Variants in WIPI1 observed in about 807,000 individuals in gnomAD.
The protein encoded by WIPI1 is WD repeat domain phosphoinositide-interacting protein 1.
In WIPI1, 45 loss-of-function variants were observed where a neutral mutation model predicts 55.3. That is an observed-to-expected ratio of 0.81 (90% CI 0.64 to 1.04). WIPI1 has a LOEUF of 1.04. Among genes scored for constraint, WIPI1 ranks in the 50% least tolerant of loss-of-function variants. WIPI1 has a pLI of 0.00. For missense variants in WIPI1, 445 were observed against 559.0 expected (o/e 0.80, Z 2.06); for synonymous variants, 195 against 217.6 (o/e 0.90, Z 0.92).
chr17:68,426,283 G>A (rs918662949), intron 11 of WIPI1, 108 bp from the exon 12 acceptor site: 1 of 862,084 alleles, frequency 1.2e-6, no homozygotes, highest in African/African-American at 1.7e-5. Flanking sequence ...GAAGCAAAGG[G>A]GCTGTCTGTC....
intron 1 of WIPI1, among the ~76,000 whole-genome samples, chr17:68,453,363 C>T (rs1165750798): frequency 6.6e-6 from 1 of 152,112 alleles, no homozygotes; most frequent in Non-Finnish European, 1.5e-5. Context: ...TCCAACACAA[C>T]GAGGGGGCCT....
At chr17:68,457,282 AC>A in intron 1 of WIPI1, 59 bp downstream of exon 1, 1 of 1,521,180 alleles carries the variant, frequency 6.6e-7, no homozygotes, top group Non-Finnish European at 8.8e-7. Flanking sequence ...TCAGGACGAC[AC>A]CCCTGGGTCC....
intron 4 of WIPI1, among the ~76,000 whole-genome samples, chr17:68,437,234 G>A (rs1341229216): frequency 6.6e-6 from 1 of 152,046 alleles, no homozygotes; most frequent in African/African-American, 2.4e-5. Context: ...TTGGAGAAGA[G>A]GAGCTGCCAA....
chr17:68,442,288 A>C lies in WIPI1; in HGVS notation c.430+2205T>G, dbSNP rs2084111055. Among the ~76,000 whole-genome samples, 3 of 152,086 alleles carry C rather than the reference A, an allele frequency of 2.0e-5. 1 individual carries two copies. The highest frequency in any genetic ancestry group is 2.1e-4 in the South Asian group (1 of 4,826). On this transcript the variant is annotated intron_variant, in intron 4 of 12. Transcript: ENST00000262139. ...AGACCAGCCTGGCCAACATGGTGAA[A>C]TCCTATCTCTACTAAAAATACAAAA...
intron 2 of WIPI1, among the ~76,000 whole-genome samples, chr17:68,451,605 G>A (rs530916527): frequency 4.5e-4 from 68 of 152,290 alleles, no homozygotes; most frequent in Non-Finnish European, 8.1e-4. Context: ...CCCTTTCCCT[G>A]AGAGATTTCA....
chr17:68,425,827 CA>C (rs1241679599), intron 12 of WIPI1: 6 of 415,930 alleles, frequency 1.4e-5, no homozygotes, highest in Non-Finnish European at 2.6e-5. Flanking sequence ...GGGAGGCCAC[CA>C]AGACTCCCTG....
At position 68,444,533 on chromosome 17, in the gene WIPI1, C is replaced by T. The variant is rs899178965; in HGVS notation, c.390G>A (p.Lys130=). The change falls in exon 4 of 13, where the codon AAG becomes AAA. Residue 130 remains lysine (K), a synonymous_variant. Coordinates refer to ENST00000262139, the MANE Select transcript of WIPI1 (RefSeq NM_017983.7). The part of the protein sequence containing the change: ...SIYIHNIKDM[K]LLKTLLDIPA... ...GAATATCCAGGAGGGTCTTCAACAG[C>T]TTCATGTCTTTAATGTTGTGAATAT... The T allele has an allele frequency of 1.9e-6, 3 of 1,613,992 alleles. No individual in the cohort carries two copies. The African/African-American group carries it at 4.0e-5, about 22-fold the overall frequency.
chr17:68,437,948 T>TAAAAAAAAAAAAAAAA (rs199649033), intron 4 of WIPI1, among the ~76,000 whole-genome samples: 12 of 78,798 alleles, frequency 1.5e-4, no homozygotes, highest in African/African-American at 5.7e-4. Flanking sequence ...ACATCTCTCT[T>TAAAAAAAAAAAAAAAA]AAAAAAAAAA....
intron 8 of WIPI1, among the ~76,000 whole-genome samples, chr17:68,430,435 G>A (rs1488491922): frequency 6.6e-6 from 1 of 152,222 alleles, no homozygotes; most frequent in Admixed American, 6.5e-5. Flanking sequence ...AGGCTTATCT[G>A]ATGACTAGTC....
At chr17:68,440,416 G>A (rs1568641074) in intron 4 of WIPI1, among the ~76,000 whole-genome samples, 1 of 152,186 alleles carries the variant, frequency 6.6e-6, no homozygotes. Flanking sequence ...GCCTTTTTAA[G>A]GAAGGATATG....
intron 7 of WIPI1, 123 bp from the exon 8 acceptor site, chr17:68,433,698 C>T (rs2083626046): frequency 3.5e-6 from 2 of 576,820 alleles, no homozygotes; most frequent in South Asian, 2.1e-5. Context: ...GACCCAGATC[C>T]CTTAAACACT....
At chr17:68,448,983 T>C (rs1253286546) in intron 3 of WIPI1, among the ~76,000 whole-genome samples, 1 of 152,230 alleles carries the variant, frequency 6.6e-6, no homozygotes, top group Non-Finnish European at 1.5e-5. Flanking sequence ...CGCACTGCTT[T>C]AGGTGGACTT....
chr17:68,450,957 C>G (rs1168183226), intron 2 of WIPI1, 60 bp from the exon 3 acceptor site: 18 of 1,557,094 alleles, frequency 1.2e-5, no homozygotes, highest in Non-Finnish European at 1.4e-5. Flanking sequence ...AGGATTCCAG[C>G]CTCCATGACA....
chr17:68,449,454 G>A (rs2084412023), intron 3 of WIPI1, among the ~76,000 whole-genome samples: 1 of 152,186 alleles, frequency 6.6e-6, no homozygotes, highest in African/African-American at 2.4e-5. Flanking sequence ...GGGAAACACT[G>A]TAATATGATT....
chr17:68,438,339 A>G (rs1242966081), intron 4 of WIPI1, among the ~76,000 whole-genome samples: 3 of 152,152 alleles, frequency 2.0e-5, no homozygotes, highest in Non-Finnish European at 2.9e-5. Flanking sequence ...TGGAAACCCC[A>G]ATTCCTCACC....
At position 68,424,912 on chromosome 17, in the gene WIPI1, G is replaced by A. The variant is rs114591160; in HGVS notation, c.1293+1163C>T. Among the ~76,000 whole-genome samples, 985 of 152,264 alleles carry A rather than the reference G, an allele frequency of 6.5e-3. 12 individuals are homozygous for A. Among genetic ancestry groups the A allele is most frequent in the African/African-American group, 0.023 (947 of 41,556 alleles). On this transcript the variant is annotated intron_variant, in intron 12 of 12. Transcript: ENST00000262139. ...CAAAACAAATCAGTACTTCCATCTC[G>A]AAATGATTTCAGGTTGACTATCTGG... is the stretch of plus-strand genomic sequence containing the variant.
chr17:68,445,165 C>A (rs1161910298), intron 3 of WIPI1, among the ~76,000 whole-genome samples: 1 of 152,120 alleles, frequency 6.6e-6, no homozygotes, highest in Non-Finnish European at 1.5e-5. Flanking sequence ...GGTGATCTGC[C>A]CGCCTCGGCC....
At position 68,430,026 on chromosome 17, in the gene WIPI1, G is replaced by A. The variant is rs1180889419; in HGVS notation, c.935C>T (p.Ser312Phe). 8 of 1,614,210 alleles carry A rather than the reference G, an allele frequency of 5.0e-6. No individual in the cohort carries two copies. The highest frequency in any genetic ancestry group is 1.7e-6 in the Non-Finnish European group (2 of 1,180,038). The change falls in exon 9 of 13, where the codon TCC becomes TTC. Residue 312 changes from serine (S) to phenylalanine (F), a missense_variant. Coordinates refer to ENST00000262139, the MANE Select transcript of WIPI1 (RefSeq NM_017983.7). ...RAFATARLNFSGQRNICTLST... is the reference protein window; with the variant it reads ...RAFATARLNFFGQRNICTLST... ...GAGGGTACAGATGTTCCTCTGTCCGGAGAAGTTCAAGCGTGCAGTGGCAAA... is the reference window on the plus strand; with the variant it reads ...GAGGGTACAGATGTTCCTCTGTCCGAAGAAGTTCAAGCGTGCAGTGGCAAA...
chr17:68,438,746 G>A (rs772306469), intron 4 of WIPI1, among the ~76,000 whole-genome samples: 7 of 152,282 alleles, frequency 4.6e-5, no homozygotes, highest in African/African-American at 7.2e-5. Context: ...GATTACAGGC[G>A]TGTGCCACCA....
Sources: gnomAD v4.1 joint callset for allele counts (sites outside exome capture counted in the v4.1 genomes callset) on GRCh38, gnomAD v4.1.1 for gene constraint, MANE v1.5 for transcripts, NCBI Gene and HGNC (gene_info 2026-07-23, HGNC 2026-07-21) for gene names.